The following MERTK variants were observed in gnomAD, a reference collection of about 807,000 sequenced individuals.
MERTK encodes the protein MER proto-oncogene, tyrosine kinase.
Under a neutral mutation model 99.3 loss-of-function variants are expected in MERTK, and 69 were observed. The ratio of observed to expected loss-of-function variants is 0.70; its 90% CI spans 0.57 to 0.85. The LOEUF is 0.85. Ranked by LOEUF, MERTK falls within the 40% of genes least tolerant of loss-of-function variation. MERTK has a pLI of 0.00. For missense variants in MERTK, 1,125 were observed against 1,249.4 expected, an observed-to-expected ratio of 0.90 and a Z score of 1.50; for synonymous variants, 426 against 467.6, an observed-to-expected ratio of 0.91 and a Z score of 1.15.
At chr2:111,921,470 A>G (rs1024100001) in intron 1 of MERTK, among the ~76,000 whole-genome samples, 1 of 150,796 alleles carries the variant, frequency 6.6e-6, no homozygotes, top group African/African-American at 2.4e-5. Context: ...ACTGCACTCC[A>G]GCCTGGGCTG....
chr2:112,003,356 C>G, intron 12 of MERTK, 169 bp downstream of exon 12: 1 of 519,690 alleles, frequency 1.9e-6, no homozygotes, highest in Non-Finnish European at 3.4e-6. Flanking sequence ...TTTTGAAACT[C>G]AGATCTGGCA....
At chr2:112,004,338 G>T (rs1676937167) in intron 13 of MERTK, among the ~76,000 whole-genome samples, 1 of 152,020 alleles carries the variant, frequency 6.6e-6, no homozygotes, top group African/African-American at 2.4e-5. Flanking sequence ...TGATCTAATA[G>T]CAACATCTGA....
chr2:111,938,361 T>A (rs1220713092), intron 2 of MERTK, among the ~76,000 whole-genome samples: 2 of 152,196 alleles, frequency 1.3e-5, no homozygotes, highest in African/African-American at 4.8e-5. Flanking sequence ...CCTCCCACAG[T>A]CTACTTTCTT....
In MERTK at chr2:111,947,330, C is replaced by T. The variant is rs533196755; in HGVS notation, c.584-64C>T. The T allele has an allele frequency of 3.9e-6, 6 of 1,521,490 alleles. No homozygotes were observed. The African/African-American group carries it at 8.3e-5, about 21-fold the overall frequency. The allele number at this position is 1,521,490 out of a possible 1,614,324, so 94.2% of individuals were successfully genotyped here. On this transcript the variant is annotated intron_variant, in intron 3 of 18. Transcript: ENST00000295408. ...CCAAGTTCTAGTCCAGTTTCCATTC[C>T]CCTTTGGGCTCTGTCTCTGTTTTCA...
chr2:111,907,746 A>G (rs939636655), intron 1 of MERTK, among the ~76,000 whole-genome samples: 1 of 152,266 alleles, frequency 6.6e-6, no homozygotes, highest in African/African-American at 2.4e-5. Context: ...TTATTATGTC[A>G]TTTTATAATT....
At chr2:111,993,701 T>C (rs749292993) in intron 8 of MERTK, among the ~76,000 whole-genome samples, 1 of 151,638 alleles carries the variant, frequency 6.6e-6, no homozygotes, top group African/African-American at 2.4e-5. Flanking sequence ...AACATACAAA[T>C]AAAAGTAAAA....
chr2:112,028,255 TA>T, intron 18 of MERTK, 95 bp from the exon 19 acceptor site: 1 of 1,335,134 alleles, frequency 7.5e-7, no homozygotes. Flanking sequence ...GAATGCTGAT[TA>T]AAATGTGATA....
chr2:112,020,207 C>T (rs777010586), intron 16 of MERTK, among the ~76,000 whole-genome samples: 9 of 152,144 alleles, frequency 5.9e-5, no homozygotes, highest in Non-Finnish European at 1.3e-4. Flanking sequence ...CCCTAGGGCT[C>T]CTACCTCTTT....
At chr2:112,004,414 G>T (rs978293400) in intron 13 of MERTK, among the ~76,000 whole-genome samples, 2 of 152,128 alleles carry the variant, frequency 1.3e-5, no homozygotes, top group Non-Finnish European at 2.9e-5. Flanking sequence ...GAGGATGATT[G>T]CATGGCCCTG....
chr2:111,937,857 C>G (rs944842334), intron 2 of MERTK, among the ~76,000 whole-genome samples: 1 of 152,114 alleles, frequency 6.6e-6, no homozygotes, highest in South Asian at 2.1e-4. Context: ...AAAAACAGGG[C>G]GCTTACAGTG....
chr2:112,025,950 T>C (rs531570377), intron 18 of MERTK, among the ~76,000 whole-genome samples: 1 of 152,316 alleles, frequency 6.6e-6, no homozygotes, highest in South Asian at 2.1e-4. Context: ...ATTAAACTAA[T>C]CCCATTCTCT....
At chr2:111,983,019 GA>G (rs57740008) in intron 8 of MERTK, 26 bp downstream of exon 8, 403,796 of 1,612,040 alleles carry the variant, frequency 0.25, 53,474 homozygotes, top group Admixed American at 0.37. Flanking sequence ...AGAAGAGCAC[GA>G]TTAGTCATCT....
intron 3 of MERTK, among the ~76,000 whole-genome samples, chr2:111,945,552 G>A (rs1331929943): frequency 1.2e-4 from 19 of 152,220 alleles, no homozygotes; most frequent in Admixed American, 1.2e-3. Context: ...CTTCTTTTGG[G>A]CACTGGTATC....
chr2:111,945,016 A>G lies in MERTK; in HGVS notation c.539A>G (p.Asn180Ser), dbSNP rs1176389109. 6.2e-7 allele frequency: 1 copy of G among 1,613,738 alleles called. No homozygotes were observed. The highest frequency in any genetic ancestry group is 1.7e-5 in the Admixed American group (1 of 60,010). ...TCGTATATCTGTAAGATGAAAATAA[A>G]CAATGAAGAGATCGTGTCTGATCCC... ...NGSYICKMKINNEEIVSDPIY... is the reference protein window; with the variant it reads ...NGSYICKMKISNEEIVSDPIY... Residue 180 changes from asparagine to serine, a missense_variant, in exon 3 of 19, where the codon AAC becomes AGC. Asn to Ser is a conservative substitution (Grantham distance 46). Transcript: ENST00000295408.
intron 5 of MERTK, 46 bp downstream of exon 5, chr2:111,965,323 G>A (rs1365692195): frequency 1.1e-5 from 17 of 1,588,232 alleles, no homozygotes; most frequent in Non-Finnish European, 1.4e-5. Context: ...GGGAGCTGGT[G>A]AGGGTACAGC....
intron 6 of MERTK, among the ~76,000 whole-genome samples, chr2:111,974,820 A>G (rs946408406): frequency 2.7e-5 from 4 of 149,614 alleles, no homozygotes; most frequent in African/African-American, 9.7e-5. Flanking sequence ...AAGAAAAAGA[A>G]AGCAAGAAAC....
At chr2:111,898,889 G>A in intron 1 of MERTK, 93 bp downstream of exon 1, 1 of 1,335,054 alleles carries the variant, frequency 7.5e-7, no homozygotes, top group Non-Finnish European at 1.0e-6. Context: ...ACAGGGGCGC[G>A]CCTGGCTGCT....
chr2:111,934,402 A>G (rs1684727832), intron 2 of MERTK, among the ~76,000 whole-genome samples: 6 of 152,114 alleles, frequency 3.9e-5, no homozygotes, highest in Admixed American at 3.9e-4. Flanking sequence ...CTGACTTTTT[A>G]ATGATTGCCA....
intron 1 of MERTK, among the ~76,000 whole-genome samples, chr2:111,915,262 C>T (rs896666567): frequency 6.6e-6 from 1 of 151,772 alleles, no homozygotes; most frequent in African/African-American, 2.4e-5. Context: ...AACAATTTGT[C>T]TTCTCATTTT....
Sources: allele counts gnomAD v4.1 joint callset (sites outside exome capture counted in the v4.1 genomes callset), GRCh38; gene constraint gnomAD v4.1.1; transcripts MANE v1.5; gene names NCBI Gene and HGNC (gene_info 2026-07-23, HGNC 2026-07-21).